Variants in DLC1 observed in about 807,000 individuals in gnomAD.
DLC1 encodes DLC1 Rho GTPase activating protein, also known as rho GTPase-activating protein 7.
DLC1 carries 54 observed loss-of-function variants against 140.3 expected under a neutral mutation model. The observed-to-expected ratio is 0.38, with a 90% CI of 0.31 to 0.48. DLC1 has a LOEUF of 0.48. Among genes scored for constraint, DLC1 ranks in the 20% least tolerant of loss-of-function variants. DLC1 has a pLI of 0.96. For missense variants in DLC1, 2,536 were observed against 1,907.0 expected, an observed-to-expected ratio of 1.33 and a Z score of -6.14; for synonymous variants, 986 against 728.1, an observed-to-expected ratio of 1.35 and a Z score of -5.70.
chr8:13,491,920 G>T (rs949789031), intron 2 of DLC1, among the ~76,000 whole-genome samples: 2 of 152,204 alleles, frequency 1.3e-5, no homozygotes, highest in African/African-American at 4.8e-5. Context: ...TTATGAACAG[G>T]TTCTAAGCAC....
At chr8:13,392,396 TA>T (rs1167706509) in intron 4 of DLC1, among the ~76,000 whole-genome samples, 1 of 152,218 alleles carries the variant, frequency 6.6e-6, no homozygotes, top group Non-Finnish European at 1.5e-5. Flanking sequence ...ACAGGGAACA[TA>T]ATTTCCATGT....
chr8:13,573,385 G>A (rs1170875811), intron 1 of DLC1, among the ~76,000 whole-genome samples: 2 of 152,084 alleles, frequency 1.3e-5, no homozygotes, highest in Admixed American at 1.3e-4. Context: ...GGGTTTTCTA[G>A]GTATAAGAGT....
chr8:13,589,831 A>C (rs956811509), intron 1 of DLC1, among the ~76,000 whole-genome samples: 4 of 151,844 alleles, frequency 2.6e-5, no homozygotes, highest in Non-Finnish European at 5.9e-5. Context: ...AATAATCAAG[A>C]AAAAAGAAAT....
At chr8:13,213,984 A>C (rs889424760) in intron 5 of DLC1, among the ~76,000 whole-genome samples, 5 of 152,070 alleles carry the variant, frequency 3.3e-5, no homozygotes, top group African/African-American at 7.2e-5. Flanking sequence ...GGGTTTCTCC[A>C]TGTTGGCCAG....
At chr8:13,194,126 C>G (rs1306475698) in intron 5 of DLC1, among the ~76,000 whole-genome samples, 3 of 152,174 alleles carry the variant, frequency 2.0e-5, no homozygotes, top group African/African-American at 7.2e-5. Flanking sequence ...GAAATGAGCA[C>G]TTAATCTTCT....
chr8:13,514,911 C>T, upstream of DLC1: 1 of 336,862 alleles, frequency 3.0e-6, no homozygotes, highest in Admixed American at 4.8e-5. Flanking sequence ...GTATTTCCTG[C>T]CTCTGAGGAG....
intron 7 of DLC1, among the ~76,000 whole-genome samples, chr8:13,109,080 T>C (rs1030592920): frequency 6.6e-6 from 1 of 152,208 alleles, no homozygotes; most frequent in Non-Finnish European, 1.5e-5. Context: ...AGAACTAGTC[T>C]AGTCCATACA....
intron 1 of DLC1, among the ~76,000 whole-genome samples, chr8:13,555,250 G>A (rs1469376325): frequency 6.6e-6 from 1 of 151,980 alleles, no homozygotes; most frequent in African/African-American, 2.4e-5. Flanking sequence ...ATCTTCTAGT[G>A]TAAATTATTT....
chr8:13,381,194 C>T (rs1384483526), intron 4 of DLC1, among the ~76,000 whole-genome samples: 1 of 152,152 alleles, frequency 6.6e-6, no homozygotes, highest in Non-Finnish European at 1.5e-5. Flanking sequence ...GCTTGTGTTT[C>T]TCACAGACCA....
chr8:13,592,476 G>T (rs1039526220), intron 1 of DLC1, among the ~76,000 whole-genome samples: 1 of 151,130 alleles, frequency 6.6e-6, no homozygotes. Flanking sequence ...CTTACTTTTT[G>T]CTTTACGTGT....
intron 1 of DLC1, among the ~76,000 whole-genome samples, chr8:13,582,952 A>G (rs1431236770): frequency 1.4e-5 from 2 of 146,768 alleles, no homozygotes; most frequent in Admixed American, 1.4e-4. Context: ...AAAACGGTAC[A>G]TACCTTAATT....
chr8:13,572,202 G>C (rs1804682608), intron 1 of DLC1, among the ~76,000 whole-genome samples: 2 of 150,832 alleles, frequency 1.3e-5, no homozygotes, highest in Non-Finnish European at 2.9e-5. Context: ...CCATTCTCCT[G>C]CCTCAGCCTC....
intron 5 of DLC1, among the ~76,000 whole-genome samples, chr8:13,141,070 C>A (rs141853898): frequency 6.6e-6 from 1 of 151,838 alleles, no homozygotes; most frequent in African/African-American, 2.4e-5. Flanking sequence ...GCCTGACCAA[C>A]ATGGAGGAAT....
intron 2 of DLC1, among the ~76,000 whole-genome samples, chr8:13,483,889 C>T (rs890861125): frequency 7.2e-5 from 11 of 152,096 alleles, no homozygotes; most frequent in Non-Finnish European, 1.5e-5. Context: ...CGAGATCAGC[C>T]TGGCCAACAG....
At chr8:13,515,520 T>C (rs775457808), upstream of DLC1, 8 of 152,230 alleles carry the variant, frequency 5.3e-5, no homozygotes, top group Admixed American at 1.3e-4. Flanking sequence ...GGCTCCATCT[T>C]GATCGTATTA....
intron 1 of DLC1, among the ~76,000 whole-genome samples, chr8:13,550,715 C>T (rs535760720): frequency 2.5e-4 from 38 of 152,084 alleles, no homozygotes; most frequent in Non-Finnish European, 4.6e-4. Context: ...GCTGAATGGA[C>T]GAATCATTTA....
At chr8:13,594,993 C>G (rs150797238) in intron 1 of DLC1, among the ~76,000 whole-genome samples, 1 of 150,972 alleles carries the variant, frequency 6.6e-6, no homozygotes, top group African/African-American at 2.4e-5. Context: ...CTATATATTT[C>G]TGTATAGACT....
At chr8:13,193,362 C>G (rs916877629) in intron 5 of DLC1, among the ~76,000 whole-genome samples, 1 of 152,012 alleles carries the variant, frequency 6.6e-6, no homozygotes, top group African/African-American at 2.4e-5. Flanking sequence ...GGAGAAGAGA[C>G]CCATTTAGGG....
chr8:13,246,596 T>C (rs1217641272), intron 5 of DLC1, among the ~76,000 whole-genome samples: 1 of 152,100 alleles, frequency 6.6e-6, no homozygotes, highest in Non-Finnish European at 1.5e-5. Context: ...GCAATTCATA[T>C]CAATGCAGTT....
Sources: gnomAD v4.1 joint callset for allele counts (sites outside exome capture counted in the v4.1 genomes callset) on GRCh38, gnomAD v4.1.1 for gene constraint, MANE v1.5 for transcripts, NCBI Gene and HGNC (gene_info 2026-07-23, HGNC 2026-07-21) for gene names.